The following ULBP3 variants were observed in gnomAD, a reference collection of about 807,000 sequenced individuals.
ULBP3 encodes UL16 binding protein 3, also known as UL16-binding protein 3.
ULBP3 carries 25 observed loss-of-function variants against 24.9 expected under a neutral mutation model. The observed-to-expected ratio is 1.00, with a 90% CI of 0.73 to 1.40. ULBP3 has a LOEUF of 1.40. ULBP3 is among the 40% of genes most tolerant of loss of function. The probability of loss-of-function intolerance (pLI) is 0.00; values close to 1 mark genes in which losing one functional copy is unlikely to be tolerated. For synonymous variants in ULBP3, 114 were observed against 114.7 expected (o/e 0.99, Z 0.04); for missense variants, 306 against 307.5 (o/e 1.00, Z 0.04).
At position 150,063,434 on chromosome 6, in the gene ULBP3, C is replaced by A. The variant is rs557401934; in HGVS notation, c.*23-83G>T. 9.8e-6 allele frequency: 7 copies of A among 716,130 alleles called. 1 individual carries two copies. Among genetic ancestry groups the A allele is most frequent in the Admixed American group, 6.3e-5 (1 of 15,984 alleles). 44.4% of individuals were successfully genotyped at this position (716,130 alleles called of 1,614,324 possible). ...CTGGGTGATCCTTCCCAGGCCCTCCCCATTTCAGAGCTTCTCCCCCAGATA... is the reference window on the plus strand; with the variant it reads ...CTGGGTGATCCTTCCCAGGCCCTCCACATTTCAGAGCTTCTCCCCCAGATA... On this transcript the variant is annotated intron_variant, in intron 4 of 4. Transcript: ENST00000367339.
In ULBP3 at chr6:150,065,668, G is replaced by C; in HGVS notation, c.358C>G (p.Leu120Val). Reference protein sequence around the residue: ...ELEDFTPSGPLTLQVRMSCEC... With the variant: ...ELEDFTPSGPVTLQVRMSCEC... ...CAAGACATCCTGACCTGCAGCGTGAGGGGTCCTGCCCCAATCAGAAAGAGA... is the reference window on the plus strand; with the variant it reads ...CAAGACATCCTGACCTGCAGCGTGACGGGTCCTGCCCCAATCAGAAAGAGA... Residue 120 changes from leucine to valine, a missense_variant, in exon 3 of 5, where the codon CTC (leucine) becomes GTC (valine). Leu to Val is a conservative substitution (Grantham distance 32). Coordinates refer to ENST00000367339, the MANE Select transcript of ULBP3 (RefSeq NM_024518.3). 6.2e-7 allele frequency: 1 copy of C among 1,614,162 alleles called. No homozygotes were observed. Among genetic ancestry groups the C allele is most frequent in the South Asian group, 1.1e-5 (1 of 91,080 alleles).
intron 1 of ULBP3, among the ~76,000 whole-genome samples, chr6:150,066,809 A>C (rs562761354): frequency 2.1e-3 from 315 of 152,262 alleles, no homozygotes; most frequent in Non-Finnish European, 3.7e-3. Context: ...CTAGCATATA[A>C]AGAAGGCCCC....
intron 1 of ULBP3, among the ~76,000 whole-genome samples, chr6:150,067,244 G>C (rs996167505): frequency 6.6e-6 from 1 of 152,174 alleles, no homozygotes; most frequent in East Asian, 1.9e-4. Context: ...CATCTCAGAC[G>C]CAGAGTCCAT....
At chr6:150,065,280 C>A in intron 3 of ULBP3, 118 bp downstream of exon 3, 1 of 1,399,704 alleles carries the variant, frequency 7.1e-7, no homozygotes, top group Non-Finnish European at 9.8e-7. Flanking sequence ...CTCACACATA[C>A]ATAGACTCAC....
intron 1 of ULBP3, among the ~76,000 whole-genome samples, chr6:150,067,754 C>A (rs951714711): frequency 6.6e-6 from 1 of 152,170 alleles, no homozygotes; most frequent in African/African-American, 2.4e-5. Flanking sequence ...ACCCTGGACT[C>A]CCTAAGATCC....
Position 150,065,917 on chromosome 6 carries a change from C to G in ULBP3, c.334G>C (p.Glu112Gln). Reference sequence around the variant, plus strand: ...CACTCACCACTGGGTGTGAAATCCTCCAGCTCAGTGTCAGCCAGTTCCAGT... The same window carrying G: ...CACTCACCACTGGGTGTGAAATCCTGCAGCTCAGTGTCAGCCAGTTCCAGT... Reference protein sequence around the residue: ...LRLELADTELEDFTPSGPLTL... With the variant: ...LRLELADTELQDFTPSGPLTL... The change falls in exon 2 of 5, where the codon GAG becomes CAG. Residue 112 changes from glutamate (E) to glutamine (Q), a missense_variant. Coordinates refer to ENST00000367339, the MANE Select transcript of ULBP3 (RefSeq NM_024518.3). 4 of 1,614,186 alleles carry G rather than the reference C, an allele frequency of 2.5e-6. No homozygotes were observed. The highest frequency in any genetic ancestry group is 3.4e-6 in the Non-Finnish European group (4 of 1,180,044).
chr6:150,061,640 T>A lies in ULBP3; in HGVS notation c.*1734A>T, dbSNP rs1776274963. Among the ~76,000 whole-genome samples, 1 of 152,364 alleles carries A rather than the reference T, an allele frequency of 6.6e-6. No homozygotes were observed. The highest frequency in any genetic ancestry group is 3.4e-3 in the Middle Eastern group (1 of 294). Reference sequence around the variant, plus strand: ...ATGGTGTTTATGTACCACATTTTTTTCATTCAATTCAGTGTTGCTGGGCAC... The same window carrying A: ...ATGGTGTTTATGTACCACATTTTTTACATTCAATTCAGTGTTGCTGGGCAC... On this transcript the variant is annotated 3_prime_UTR_variant, in exon 5 of 5. Transcript: ENST00000367339.
At chr6:150,066,821 G>A (rs1348847449) in intron 1 of ULBP3, among the ~76,000 whole-genome samples, 2 of 152,184 alleles carry the variant, frequency 1.3e-5, no homozygotes, top group Non-Finnish European at 2.9e-5. Flanking sequence ...GAAGGCCCCA[G>A]GAGAAGGCAG....
chr6:150,066,131 G>C lies in ULBP3; in HGVS notation c.120C>G (p.Ile40Met), dbSNP rs1776343839. Residue 40 changes from isoleucine (I) to methionine (M), a missense_variant, in exon 2 of 5, where the codon ATC (isoleucine) becomes ATG (methionine). Transcript: ENST00000367339. ...DAHSLWYNFT[I>M]IHLPRHGQQW... is the part of the protein sequence containing the mutation. ...GTTGCCCATGTCTGGGCAAATGAAT[G>C]ATGGTGAAGTTATACCAGAGAGAGT... 6.2e-7 allele frequency: 1 copy of C among 1,613,964 alleles called. No homozygotes were observed. The highest frequency in any genetic ancestry group is 1.3e-5 in the African/African-American group (1 of 74,908).
chr6:150,064,845 G>T, intron 3 of ULBP3, 132 bp from the exon 4 acceptor site: 1 of 885,974 alleles, frequency 1.1e-6, no homozygotes, highest in African/African-American at 1.7e-5. Flanking sequence ...GGCAGCCGCT[G>T]TGACAGGTCC....
In ULBP3 at chr6:150,069,024, T is replaced by C; in HGVS notation, c.43A>G (p.Ile15Val). The change falls in exon 1 of 5, where the codon ATT becomes GTT. Residue 15 changes from isoleucine to valine, a missense_variant. Transcript: ENST00000367339. ...CAGTCGAATAGCAGGTACGGAAGAA[T>C]CGCGAGGCGCGGAAGGATCGCGGGG... ...ASPAILPRLA[I>V]LPYLLFDWSG... 6.2e-7 allele frequency: 1 copy of C among 1,611,716 alleles called. No homozygotes were observed. The highest frequency in any genetic ancestry group is 1.7e-4 in the Middle Eastern group (1 of 6,044).
chr6:150,061,925 C>T lies in ULBP3; in HGVS notation c.*1449G>A, dbSNP rs1341370042. ...CTCACCACCATCTCCAACTTTGTGACTGGTAAGAGATGGTAACTCATTGCA... is the reference window on the plus strand; with the variant it reads ...CTCACCACCATCTCCAACTTTGTGATTGGTAAGAGATGGTAACTCATTGCA... On this transcript the variant is annotated 3_prime_UTR_variant, in exon 5 of 5. Coordinates refer to ENST00000367339, the MANE Select transcript of ULBP3 (RefSeq NM_024518.3). 6.6e-6 allele frequency among the ~76,000 whole-genome samples: 1 copy of T among 152,210 alleles called. No homozygotes were observed. The highest frequency in any genetic ancestry group is 6.5e-5 in the Admixed American group (1 of 15,286).
In ULBP3 at chr6:150,064,572, T is replaced by G; in HGVS notation, c.*22+13A>C. ...TCTGTCTCTCGTTCCCCTCACAGTTTTGCCCACAGTACCTGTCACTCTAAA... is the reference window on the plus strand; with the variant it reads ...TCTGTCTCTCGTTCCCCTCACAGTTGTGCCCACAGTACCTGTCACTCTAAA... On this transcript the variant is annotated intron_variant, in intron 4 of 4. Coordinates refer to ENST00000367339, the MANE Select transcript of ULBP3 (RefSeq NM_024518.3). The G allele has an allele frequency of 6.2e-7, 1 of 1,609,020 alleles. No individual in the cohort carries two copies. The highest frequency in any genetic ancestry group is 8.5e-7 in the Non-Finnish European group (1 of 1,175,636).
chr6:150,065,717 T>C (rs1042392933), intron 2 of ULBP3, 44 bp from the exon 3 acceptor site: 8 of 1,606,444 alleles, frequency 5.0e-6, no homozygotes, highest in Non-Finnish European at 6.8e-6. Context: ...TTACAAATTC[T>C]CTTCCCTGTC....
chr6:150,066,015 T>C lies in ULBP3; in HGVS notation c.236A>G (p.Glu79Gly). Residue 79 changes from glutamate to glycine, a missense_variant, in exon 2 of 5, where the codon GAA becomes GGA. Glu to Gly is a moderately conservative substitution (Grantham distance 98). Transcript: ENST00000367339. ...SDKVLSMGHL[E>G]EQLYATDAWG... ...GGCATCTGTGGCATACAGCTGCTCT[T>C]CTAGGTGACCCATAGATAAGACCTT... The C allele has an allele frequency of 6.2e-7, 1 of 1,614,220 alleles. No individual in the cohort carries two copies. Among genetic ancestry groups the C allele is most frequent in the Non-Finnish European group, 8.5e-7 (1 of 1,180,046 alleles).
In ULBP3 at chr6:150,064,614, C is replaced by T; in HGVS notation, c.728G>A (p.Gly243Asp). 1 of 1,613,958 alleles carries T rather than the reference C, an allele frequency of 6.2e-7. No homozygotes were observed. Residue 243 changes from glycine to aspartate, a missense_variant, in exon 4 of 5, where the codon GGC (glycine) becomes GAC (aspartate). Gly to Asp is a moderately conservative substitution (Grantham distance 94, BLOSUM62 -1). Coordinates refer to ENST00000367339, the MANE Select transcript of ULBP3 (RefSeq NM_024518.3). ...FLIILCFILP[G>D]I The stretch of plus-strand genomic sequence containing the variant: ...CACTCTAAATGACTCTTCTCAGATG[C>T]CAGGGAGGATGAAGCAGAGGATGAT...
At position 150,062,468 on chromosome 6, in the gene ULBP3, T is replaced by G. The variant is rs1720835686; in HGVS notation, c.*906A>C. 1.3e-5 allele frequency among the ~76,000 whole-genome samples: 2 copies of G among 152,036 alleles called. No homozygotes were observed. Among genetic ancestry groups the G allele is most frequent in the Non-Finnish European group, 2.9e-5 (2 of 68,014 alleles). On this transcript the variant is annotated 3_prime_UTR_variant, in exon 5 of 5. Coordinates refer to ENST00000367339, the MANE Select transcript of ULBP3 (RefSeq NM_024518.3). ...TACTCTAGAGGCTGAGTCTAGAGGA[T>G]CACTTGAGCCCAGGAGTTGGAGATT... is the stretch of plus-strand genomic sequence containing the variant.
chr6:150,066,999 G>T (rs1018873193), intron 1 of ULBP3, among the ~76,000 whole-genome samples: 2 of 152,070 alleles, frequency 1.3e-5, no homozygotes, highest in African/African-American at 4.8e-5. Context: ...TGCAATGATG[G>T]AAATAATTAG....
chr6:150,065,805 A>T, intron 2 of ULBP3, 94 bp downstream of exon 2: 1 of 1,580,084 alleles, frequency 6.3e-7, no homozygotes, highest in Admixed American at 1.7e-5. Flanking sequence ...GCTGGGCTTC[A>T]TGGAGGTCCC....
Sources: allele counts gnomAD v4.1 joint callset (sites outside exome capture counted in the v4.1 genomes callset), GRCh38; gene constraint gnomAD v4.1.1; transcripts MANE v1.5; gene names NCBI Gene and HGNC (gene_info 2026-07-23, HGNC 2026-07-21).